Variants in FANCL observed in about 807,000 individuals in gnomAD.
The protein encoded by FANCL is FA complementation group L.
In FANCL, 69 loss-of-function variants were observed where a neutral mutation model predicts 59.4. The observed-to-expected ratio is 1.16, with a 90% confidence interval of 0.96 to 1.42. FANCL has a LOEUF of 1.42. Among genes scored for constraint, FANCL ranks in the 40% most tolerant of loss-of-function variants. The pLI, the probability that FANCL is intolerant of heterozygous loss-of-function variation, is 0.00. For missense variants in FANCL, 519 were observed against 447.2 expected (o/e 1.16, Z -1.45); for synonymous variants, 180 against 147.1 (o/e 1.22, Z -1.62).
Position 58,222,050 on chromosome 2 carries a change from AAAG to A in FANCL, c.274-11_274-9del, listed in dbSNP as rs766344718. 32 of 1,602,508 alleles carry A rather than the reference AAAG, an allele frequency of 2.0e-5. No homozygotes were observed. Among genetic ancestry groups the A allele is most frequent in the Middle Eastern group, 1.7e-4 (1 of 6,040 alleles). On this transcript the variant is annotated splice_polypyrimidine_tract_variant and intron_variant, in intron 4 of 13. Transcript: ENST00000233741. ...ATTCTTTAAGGCAACTTCCTGTTTA[AAAG>A]AAGAAAACCTGAATTAGCTGTGGAA...
chr2:58,212,846 C>A (rs1489700183), intron 5 of FANCL, among the ~76,000 whole-genome samples: 1 of 152,102 alleles, frequency 6.6e-6, no homozygotes, highest in Non-Finnish European at 1.5e-5. Flanking sequence ...GAAATAAGAA[C>A]AGAAATTATA....
At chr2:58,209,786 T>C (rs1265283238) in intron 5 of FANCL, among the ~76,000 whole-genome samples, 2 of 152,218 alleles carry the variant, frequency 1.3e-5, no homozygotes, top group Non-Finnish European at 2.9e-5. Context: ...AAAGCTCTGG[T>C]ATAATTATTG....
At chr2:58,187,787 C>T (rs1344963538) in intron 7 of FANCL, among the ~76,000 whole-genome samples, 3 of 152,058 alleles carry the variant, frequency 2.0e-5, no homozygotes, top group Admixed American at 6.5e-5. Flanking sequence ...CATAAAACAA[C>T]GTCCATTTTG....
At chr2:58,169,624 C>G (rs1406529547) in intron 7 of FANCL, among the ~76,000 whole-genome samples, 2 of 151,802 alleles carry the variant, frequency 1.3e-5, no homozygotes, top group African/African-American at 4.8e-5. Context: ...GGAGCATGTT[C>G]TAACCCAATG....
chr2:58,225,650 A>G (rs1361941888), intron 4 of FANCL, among the ~76,000 whole-genome samples: 1 of 152,052 alleles, frequency 6.6e-6, no homozygotes, highest in African/African-American at 2.4e-5. Context: ...AAGTAATCTC[A>G]TAAGAACAAA....
intron 7 of FANCL, among the ~76,000 whole-genome samples, chr2:58,179,687 T>C (rs1358504459): frequency 1.3e-5 from 2 of 152,178 alleles, no homozygotes; most frequent in African/African-American, 4.8e-5. Flanking sequence ...AAAGACTTCA[T>C]GACTAAAACA....
At chr2:58,215,635 A>T (rs546565592) in intron 5 of FANCL, among the ~76,000 whole-genome samples, 33 of 152,104 alleles carry the variant, frequency 2.2e-4, no homozygotes, top group African/African-American at 6.0e-4. Context: ...TATATTTATC[A>T]ATTCTGGCAC....
chr2:58,160,878 C>T (rs1447474046), intron 12 of FANCL, among the ~76,000 whole-genome samples: 1 of 151,916 alleles, frequency 6.6e-6, no homozygotes, highest in Non-Finnish European at 1.5e-5. Context: ...AAGACTGAAA[C>T]CGAAGGCAAC....
At chr2:58,229,959 T>C in intron 2 of FANCL, 85 bp from the exon 3 acceptor site, 4 of 897,528 alleles carry the variant, frequency 4.5e-6, no homozygotes, top group Admixed American at 3.7e-5. Flanking sequence ...TGCATGTACA[T>C]ACAAAAGAAT....
intron 8 of FANCL, among the ~76,000 whole-genome samples, chr2:58,165,206 T>A (rs900685647): frequency 6.6e-6 from 1 of 152,152 alleles, no homozygotes; most frequent in Non-Finnish European, 1.5e-5. Context: ...CATATCTCAT[T>A]CATAAATTTC....
chr2:58,219,159 AAAAAAAAAAAAAATATAT>A (rs1201032472), intron 5 of FANCL, among the ~76,000 whole-genome samples: 3 of 93,656 alleles, frequency 3.2e-5, no homozygotes, highest in African/African-American at 1.2e-4. Context: ...AAAAAAAAAA[AAAAAAAAAAAAAATATAT>A]ATATATATAT....
At chr2:58,200,537 T>C (rs1468738764) in intron 6 of FANCL, among the ~76,000 whole-genome samples, 1 of 152,098 alleles carries the variant, frequency 6.6e-6, no homozygotes, top group Non-Finnish European at 1.5e-5. Context: ...ATCAACTCTC[T>C]AACTTCAATG....
intron 4 of FANCL, among the ~76,000 whole-genome samples, chr2:58,223,899 T>C (rs907020115): frequency 5.9e-5 from 9 of 151,968 alleles, no homozygotes; most frequent in African/African-American, 1.9e-4. Context: ...AACATATTTA[T>C]TGGTGATTAT....
At chr2:58,219,315 C>A (rs1692241680) in intron 5 of FANCL, among the ~76,000 whole-genome samples, 3 of 148,842 alleles carry the variant, frequency 2.0e-5, no homozygotes, top group South Asian at 2.1e-4. Flanking sequence ...TGATTATAAC[C>A]CAAAGTATAA....
chr2:58,189,519 TGGA>T (rs1000108992), intron 7 of FANCL, among the ~76,000 whole-genome samples: 1 of 152,130 alleles, frequency 6.6e-6, no homozygotes, highest in African/African-American at 2.4e-5. Context: ...GTATATATAT[TGGA>T]GAAGAGGGAA....
chr2:58,198,348 C>G (rs1043431888), intron 7 of FANCL, among the ~76,000 whole-genome samples: 3 of 152,124 alleles, frequency 2.0e-5, no homozygotes, highest in African/African-American at 7.2e-5. Flanking sequence ...TAACTATTTA[C>G]AGTATAACAA....
chr2:58,193,230 T>A (rs1218780840), intron 7 of FANCL, among the ~76,000 whole-genome samples: 1 of 152,012 alleles, frequency 6.6e-6, no homozygotes, highest in Non-Finnish European at 1.5e-5. Flanking sequence ...AAATGCACAG[T>A]ATTATCAATG....
At chr2:58,192,775 G>C (rs1402018724) in intron 7 of FANCL, among the ~76,000 whole-genome samples, 1 of 151,834 alleles carries the variant, frequency 6.6e-6, no homozygotes, top group Non-Finnish European at 1.5e-5. Context: ...ATTAACTACT[G>C]AAAGAATCAG....
At chr2:58,194,486 A>G (rs993227819) in intron 7 of FANCL, among the ~76,000 whole-genome samples, 18 of 152,210 alleles carry the variant, frequency 1.2e-4, no homozygotes, top group African/African-American at 4.3e-4. Flanking sequence ...AAAATCTATA[A>G]AAGATTAACT....
Sources: allele counts gnomAD v4.1 joint callset (sites outside exome capture counted in the v4.1 genomes callset), GRCh38; gene constraint gnomAD v4.1.1; transcripts MANE v1.5; gene names NCBI Gene and HGNC (gene_info 2026-07-23, HGNC 2026-07-21).